Variants in BCR observed in about 807,000 individuals in gnomAD.
BCR encodes BCR activator of RhoGEF and GTPase.
BCR carries 58 observed loss-of-function variants against 138.6 expected under a neutral mutation model. The ratio of observed to expected loss-of-function variants is 0.42; its 90% CI spans 0.34 to 0.52. The LOEUF (loss-of-function observed/expected upper bound fraction) is 0.52. Among genes scored for constraint, BCR ranks in the 20% least tolerant of loss-of-function variants. The pLI is 0.06. For missense variants in BCR, 1,599 were observed against 1,727.2 expected, an observed-to-expected ratio of 0.93 and a Z score of 1.32; for synonymous variants, 786 against 730.1, an observed-to-expected ratio of 1.08 and a Z score of -1.23.
intron 2 of BCR, among the ~76,000 whole-genome samples, chr22:23,255,039 A>G (rs187948764): frequency 3.3e-5 from 5 of 152,184 alleles, no homozygotes; most frequent in African/African-American, 9.6e-5. Context: ...TAAAAATAAT[A>G]ATAAAAAAAT....
chr22:23,242,496 G>A (rs2016700076), intron 1 of BCR, among the ~76,000 whole-genome samples: 1 of 152,086 alleles, frequency 6.6e-6, no homozygotes, highest in South Asian at 2.1e-4. Flanking sequence ...TGTATTTTGG[G>A]ATGGCACGTC....
chr22:23,315,142 T>C (rs1002328206), intron 22 of BCR, among the ~76,000 whole-genome samples: 1 of 152,138 alleles, frequency 6.6e-6, no homozygotes, highest in African/African-American at 2.4e-5. Flanking sequence ...GAGGATTTCT[T>C]GAGCCCAGGA....
chr22:23,308,382 T>G lies in BCR; in HGVS notation c.3013-1042T>G, dbSNP rs182991693. On this transcript the variant is annotated intron_variant, in intron 16 of 22. Coordinates refer to ENST00000305877, the MANE Select transcript of BCR (RefSeq NM_004327.4). ...GTGCAGTGGCGCCATCTTGGCTCAC[T>G]GCAACCTCCACCTCCTGAGTTCACA... Among the ~76,000 whole-genome samples, 839 of 152,288 alleles carry G rather than the reference T, an allele frequency of 5.5e-3. 7 individuals carry two copies. Among genetic ancestry groups the G allele is most frequent in the African/African-American group, 0.019 (799 of 41,554 alleles).
chr22:23,221,857 C>T (rs1032152797), intron 1 of BCR, among the ~76,000 whole-genome samples: 2 of 152,070 alleles, frequency 1.3e-5, no homozygotes, highest in African/African-American at 2.4e-5. Flanking sequence ...TTTGCGGGGC[C>T]GAGGCAGGCA....
chr22:23,296,868 A>G (rs1568979363), intron 16 of BCR, among the ~76,000 whole-genome samples: 1 of 152,068 alleles, frequency 6.6e-6, no homozygotes, highest in Admixed American at 6.5e-5. Flanking sequence ...GTGGATTCTC[A>G]TGGTGGGAGA....
chr22:23,279,555 G>A (rs1184998897), intron 8 of BCR, among the ~76,000 whole-genome samples: 3 of 152,232 alleles, frequency 2.0e-5, no homozygotes, highest in African/African-American at 7.2e-5. Context: ...GGGTAGCGGG[G>A]GCTGAGGCCA....
At chr22:23,265,849 T>G (rs1333174971) in intron 4 of BCR, among the ~76,000 whole-genome samples, 2 of 152,154 alleles carry the variant, frequency 1.3e-5, no homozygotes, top group African/African-American at 4.8e-5. Flanking sequence ...TTCCTATAAC[T>G]CACAGTAGAA....
chr22:23,315,000 T>C (rs1170778997), intron 22 of BCR, among the ~76,000 whole-genome samples: 24 of 152,286 alleles, frequency 1.6e-4, no homozygotes, highest in African/African-American at 2.2e-4. Flanking sequence ...CAAGGCAGGA[T>C]AACCAATCCC....
intron 1 of BCR, among the ~76,000 whole-genome samples, chr22:23,208,698 C>A (rs2072646029): frequency 6.6e-6 from 1 of 152,080 alleles, no homozygotes; most frequent in Non-Finnish European, 1.5e-5. Flanking sequence ...ACTAAAAATA[C>A]AAAATAATTA....
At chr22:23,185,638 C>T (rs149563105) in intron 1 of BCR, among the ~76,000 whole-genome samples, 2,255 of 150,720 alleles carry the variant, frequency 0.015, 56 homozygotes, top group African/African-American at 0.053. Flanking sequence ...TGCACTCCAG[C>T]CTGGGCGACA....
intron 4 of BCR, chr22:23,263,759 T>C: frequency 7.0e-7 from 1 of 1,426,538 alleles, no homozygotes; most frequent in Non-Finnish European, 9.9e-7. Context: ...GGGGGCATCA[T>C]ATCATTGTGA....
intron 1 of BCR, among the ~76,000 whole-genome samples, chr22:23,247,529 G>C (rs539126175): frequency 6.6e-6 from 1 of 152,280 alleles, no homozygotes; most frequent in African/African-American, 2.4e-5. Flanking sequence ...CTGATCCCCT[G>C]AGGGCTTGCT....
At chr22:23,299,932 C>A (rs2073886285) in intron 16 of BCR, among the ~76,000 whole-genome samples, 1 of 152,140 alleles carries the variant, frequency 6.6e-6, no homozygotes, top group South Asian at 2.1e-4. Context: ...AGAGTTTGGA[C>A]TCCCACGTGC....
intron 1 of BCR, among the ~76,000 whole-genome samples, chr22:23,209,835 G>A (rs908119876): frequency 3.9e-5 from 6 of 152,264 alleles, no homozygotes; most frequent in African/African-American, 1.2e-4. Context: ...TTGCTGTGTT[G>A]CCCAGGCTGG....
At chr22:23,289,386 G>T in intron 12 of BCR, 131 bp from the exon 13 acceptor site, 1 of 723,612 alleles carries the variant, frequency 1.4e-6, no homozygotes. Context: ...GCCCTCTCCT[G>T]AGCCCCCAAG....
intron 6 of BCR, 33 bp downstream of exon 6, chr22:23,271,625 C>G: frequency 6.2e-7 from 1 of 1,605,168 alleles, no homozygotes; most frequent in East Asian, 2.2e-5. Context: ...TCTGTGTGCC[C>G]TCGTCAGGGA....
chr22:23,237,618 C>T (rs948280863), intron 1 of BCR, among the ~76,000 whole-genome samples: 1 of 152,226 alleles, frequency 6.6e-6, no homozygotes, highest in Non-Finnish European at 1.5e-5. Flanking sequence ...GTAAGGAAAG[C>T]TCTGCTCTGG....
chr22:23,236,310 C>T (rs936034281), intron 1 of BCR, among the ~76,000 whole-genome samples: 1 of 152,246 alleles, frequency 6.6e-6, no homozygotes, highest in African/African-American at 2.4e-5. Flanking sequence ...CTCCACCCTG[C>T]CGCACTCTAT....
chr22:23,237,359 C>T lies in BCR; in HGVS notation c.1280-16440C>T, dbSNP rs77120391. 8.2e-3 allele frequency among the ~76,000 whole-genome samples: 1,253 copies of T among 152,306 alleles called. 12 individuals are homozygous for T. The highest frequency in any genetic ancestry group is 0.029 in the African/African-American group (1,201 of 41,550). On this transcript the variant is annotated intron_variant, in intron 1 of 22. Transcript: ENST00000305877. ...GCCCCCTGGGGAAGCAGGATAGGAG[C>T]TGGGCCTGGTTCCCGAGCCTGGCCG... is the stretch of plus-strand genomic sequence containing the variant.
Sources: gnomAD v4.1 joint callset for allele counts (sites outside exome capture counted in the v4.1 genomes callset) on GRCh38, gnomAD v4.1.1 for gene constraint, MANE v1.5 for transcripts, NCBI Gene and HGNC (gene_info 2026-07-23, HGNC 2026-07-21) for gene names.